The following COMMD3 variants were observed in gnomAD, a reference collection of about 807,000 sequenced individuals.
The protein encoded by COMMD3 is COMM domain-containing protein 3.
A neutral mutation model predicts 31.2 loss-of-function variants in COMMD3; 31 were observed. That is an observed-to-expected ratio of 0.99 (90% CI 0.75 to 1.34). The LOEUF (loss-of-function observed/expected upper bound fraction) is 1.34, where lower values mean the gene tolerates loss of function less well. COMMD3 is among the 40% of genes most tolerant of loss of function. The pLI is 0.00. For missense variants in COMMD3, 274 were observed against 236.9 expected (o/e 1.16, Z -1.03); for synonymous variants, 108 against 87.3 (o/e 1.24, Z -1.32).
rs1425874243 is a variant in COMMD3 at position 22,320,076 on chromosome 10, C to A, written c.*78C>A. On this transcript the variant is annotated 3_prime_UTR_variant, in exon 8 of 8. Transcript: ENST00000376836. ...GCCTTCAGCTGAACCACCGTTTGTG[C>A]GAGCTGGATGTCCTTTTCAGTAGAA... 3 of 1,612,662 alleles carry A rather than the reference C, an allele frequency of 1.9e-6. No homozygotes were observed. The Admixed American group carries it at 5.0e-5, about 27-fold the overall frequency.
At chr10:22,317,843 A>G (rs371087282) in intron 1 of COMMD3, 41 bp from the exon 2 acceptor site, 23 of 1,601,878 alleles carry the variant, frequency 1.4e-5, no homozygotes, top group Non-Finnish European at 1.8e-5. Flanking sequence ...ACTGTAAAGA[A>G]TTTATTATCA....
chr10:22,320,253 A>G lies in COMMD3; in HGVS notation c.*255A>G. ...ATTTTGATCTTTTTCAAGTCTTCTG[A>G]AAGGAAGTAGACAGTATTACACCCT... On this transcript the variant is annotated 3_prime_UTR_variant, in exon 8 of 8. Coordinates refer to ENST00000376836, the MANE Select transcript of COMMD3 (RefSeq NM_012071.4). The G allele has an allele frequency of 1.1e-6, 1 of 941,406 alleles. No homozygotes were observed. Among genetic ancestry groups the G allele is most frequent in the Non-Finnish European group, 1.5e-6 (1 of 668,504 alleles). 58.3% of individuals were successfully genotyped at this position (941,406 alleles called of 1,614,324 possible).
chr10:22,319,079 A>T (rs1307997415), intron 7 of COMMD3, 61 bp downstream of exon 7: 1 of 1,504,118 alleles, frequency 6.6e-7, no homozygotes, highest in African/African-American at 1.4e-5. Flanking sequence ...TGAGAGTTAT[A>T]CTCTTGGGAA....
chr10:22,316,463 G>T lies in COMMD3; in HGVS notation c.46G>T (p.Asp16Tyr). ...SVQKGFQMLA[D>Y]PRSFDSNAFT... Reference sequence around the variant, plus strand: ...GCAGAAAGGCTTCCAGATGCTGGCGGATCCCCGCTCCTTCGACTCCAACGC... The same window carrying T: ...GCAGAAAGGCTTCCAGATGCTGGCGTATCCCCGCTCCTTCGACTCCAACGC... The change falls in exon 1 of 8, where the codon GAT becomes TAT. Residue 16 changes from aspartate to tyrosine, a missense_variant. Asp to Tyr is a radical substitution (Grantham distance 160). Coordinates refer to ENST00000376836, the MANE Select transcript of COMMD3 (RefSeq NM_012071.4). 2 of 1,550,726 alleles carry T rather than the reference G, an allele frequency of 1.3e-6. No homozygotes were observed. Among genetic ancestry groups the T allele is most frequent in the Non-Finnish European group, 1.7e-6 (2 of 1,146,786 alleles).
intron 4 of COMMD3, 59 bp downstream of exon 4, chr10:22,318,365 A>C: frequency 6.4e-7 from 1 of 1,562,210 alleles, no homozygotes; most frequent in Non-Finnish European, 8.6e-7. Context: ...ATGAATGGAG[A>C]GTGTTGGTGT....
In COMMD3 at chr10:22,318,792, T is replaced by C. The variant is rs1256478636; in HGVS notation, c.412-14T>C. 6.2e-7 allele frequency: 1 copy of C among 1,613,858 alleles called. No individual in the cohort carries two copies. Among genetic ancestry groups the C allele is most frequent in the Non-Finnish European group, 8.5e-7 (1 of 1,179,914 alleles). On this transcript the variant is annotated splice_polypyrimidine_tract_variant and intron_variant, in intron 5 of 7. Coordinates refer to ENST00000376836, the MANE Select transcript of COMMD3 (RefSeq NM_012071.4). The stretch of plus-strand genomic sequence containing the variant: ...AGAGTTAAAAGCTGTTGCGTGTTTG[T>C]TGTGTTATTTTAGACCAATCAACTT...
At position 22,318,732 on chromosome 10, in the gene COMMD3, C is replaced by T. The variant is rs1747187877; in HGVS notation, c.411+19C>T. 1 of 1,613,162 alleles carries T rather than the reference C, an allele frequency of 6.2e-7. No individual in the cohort carries two copies. The highest frequency in any genetic ancestry group is 1.3e-5 in the African/African-American group (1 of 75,000). On this transcript the variant is annotated intron_variant, in intron 5 of 7. Transcript: ENST00000376836. ...GATAAAGGTAAAGTTTAAGAAACTT[C>T]TCTAGCGGGGGATTTAGGGAACTTC...
rs1835852788 is a variant in COMMD3, at chr10:22,316,526, C to T, written c.109C>T (p.Leu37=). 6.5e-7 allele frequency: 1 copy of T among 1,549,462 alleles called. No homozygotes were observed. Among genetic ancestry groups the T allele is most frequent in the African/African-American group, 1.4e-5 (1 of 73,112 alleles). ...CCTCCGGGCGGCATTCCAGAGTCTG[C>T]TGGACGCCCAGGCGGACGAGGCCGT... ...LLLRAAFQSL[L]DAQADEAVLD... The change falls in exon 1 of 8, where the codon CTG becomes TTG. Residue 37 remains leucine, a synonymous_variant. Coordinates refer to ENST00000376836, the MANE Select transcript of COMMD3 (RefSeq NM_012071.4).
chr10:22,318,940 GT>G lies in COMMD3; in HGVS notation c.469-11del, dbSNP rs771968105. The G allele has an allele frequency of 1.6e-5, 25 of 1,610,316 alleles. No homozygotes were observed. In the African/African-American group the frequency reaches 2.3e-4, roughly 15 times the overall value. ...AAATAAACAGCGTTTCTTGTTGCGT[GT>G]TTTTTTTCCTGCCCTAGAACACTGA... On this transcript the variant is annotated intron_variant, in intron 6 of 7. Coordinates refer to ENST00000376836, the MANE Select transcript of COMMD3 (RefSeq NM_012071.4).
chr10:22,316,462 G>T lies in COMMD3; in HGVS notation c.45G>T (p.Ala15=). 6.4e-7 allele frequency: 1 copy of T among 1,550,662 alleles called. No individual in the cohort carries two copies. The highest frequency in any genetic ancestry group is 8.7e-7 in the Non-Finnish European group (1 of 1,146,780). Residue 15 remains alanine (A), a synonymous_variant, in exon 1 of 8, where the codon GCG becomes GCT. Transcript: ENST00000376836. ...TGCAGAAAGGCTTCCAGATGCTGGC[G>T]GATCCCCGCTCCTTCGACTCCAACG... ...ESVQKGFQML[A]DPRSFDSNAF...
In COMMD3 at chr10:22,320,114, T is replaced by C; in HGVS notation, c.*116T>C. The C allele has an allele frequency of 1.9e-6, 3 of 1,585,612 alleles. No individual in the cohort carries two copies. Among genetic ancestry groups the C allele is most frequent in the Non-Finnish European group, 2.6e-6 (3 of 1,164,912 alleles). On this transcript the variant is annotated 3_prime_UTR_variant, in exon 8 of 8. Transcript: ENST00000376836. ...CTTTTCAGTAGAAAAGAATTTTCCT[T>C]TTGAATTTATACCATTCATCAATTT...
chr10:22,319,185 T>G (rs1160499212), intron 7 of COMMD3, 167 bp downstream of exon 7: 1 of 680,680 alleles, frequency 1.5e-6, no homozygotes, highest in Non-Finnish European at 2.3e-6. Flanking sequence ...TATTTTAAGA[T>G]AGGCTTCACT....
intron 2 of COMMD3, 27 bp from the exon 3 acceptor site, chr10:22,318,078 C>G (rs1453876872): frequency 6.2e-7 from 1 of 1,604,744 alleles, no homozygotes; most frequent in Non-Finnish European, 8.5e-7. Context: ...GGAGACAGAA[C>G]TTTGGCTTTT....
In COMMD3 at chr10:22,320,201, G is replaced by C; in HGVS notation, c.*203G>C. On this transcript the variant is annotated 3_prime_UTR_variant, in exon 8 of 8. Coordinates refer to ENST00000376836, the MANE Select transcript of COMMD3 (RefSeq NM_012071.4). ...AAGATACTGCCCAAGTATTTGAATC[G>C]TTTAGTAGTAACTGTCCATTTATCC... The C allele has an allele frequency of 3.6e-6, 5 of 1,376,918 alleles. No homozygotes were observed. Among genetic ancestry groups the C allele is most frequent in the Non-Finnish European group, 4.8e-6 (5 of 1,032,364 alleles). The allele number at this position is 1,376,918 out of a possible 1,614,324, so 85.3% of individuals were successfully genotyped here.
Position 22,317,931 on chromosome 10 carries a change from C to T in COMMD3, c.187C>T (p.His63Tyr). Residue 63 changes from histidine (H) to tyrosine (Y), a missense_variant, in exon 2 of 8, where the codon CAT becomes TAT. By Grantham distance (83) the His-to-Tyr change is moderately conservative (BLOSUM62 2). Coordinates refer to ENST00000376836, the MANE Select transcript of COMMD3 (RefSeq NM_012071.4). ...CGACCCAGTGGTTTTAAAACATTGT[C>T]ATGCAGCAGCTGCAACTTACATACT... is the stretch of plus-strand genomic sequence containing the variant. ...HIDPVVLKHC[H>Y]AAAATYILEA... The T allele has an allele frequency of 6.2e-7, 1 of 1,614,014 alleles. No homozygotes were observed. Among genetic ancestry groups the T allele is most frequent in the African/African-American group, 1.3e-5 (1 of 75,054 alleles).
chr10:22,316,527 T>C lies in COMMD3; in HGVS notation c.110T>C (p.Leu37Pro). ...CTCCGGGCGGCATTCCAGAGTCTGCTGGACGCCCAGGCGGACGAGGCCGTG... is the reference window on the plus strand; with the variant it reads ...CTCCGGGCGGCATTCCAGAGTCTGCCGGACGCCCAGGCGGACGAGGCCGTG... ...LLLRAAFQSL[L>P]DAQADEAVLD... The change falls in exon 1 of 8, where the codon CTG becomes CCG. Residue 37 changes from leucine to proline, a missense_variant. By Grantham distance (98) the Leu-to-Pro change is moderately conservative. Transcript: ENST00000376836. The C allele has an allele frequency of 6.5e-7, 1 of 1,549,684 alleles. No individual in the cohort carries two copies. Among genetic ancestry groups the C allele is most frequent in the East Asian group, 2.5e-5 (1 of 40,814 alleles).
At chr10:22,318,044 G>A in intron 2 of COMMD3, 49 bp downstream of exon 2, 1 of 1,607,784 alleles carries the variant, frequency 6.2e-7, no homozygotes, top group South Asian at 1.1e-5. Context: ...CTACCTTAAT[G>A]ATTTCAATTT....
At chr10:22,318,764 C>T in intron 5 of COMMD3, 42 bp from the exon 6 acceptor site, 1 of 1,613,458 alleles carries the variant, frequency 6.2e-7, no homozygotes, top group Non-Finnish European at 8.5e-7. Flanking sequence ...CTTCTTAAAA[C>T]CTAGAGTTAA....
In COMMD3 at chr10:22,319,968, G is replaced by C; in HGVS notation, c.558G>C (p.Ser186=). ...TGGTGGGGAAACTTAAAGATGCTTC[G>C]AAAAGCCTGGAAAGAGCAACTCAGT... ...QDLVGKLKDA[S]KSLERATQL The change falls in exon 8 of 8, where the codon TCG becomes TCC. Residue 186 remains serine, a synonymous_variant. Coordinates refer to ENST00000376836, the MANE Select transcript of COMMD3 (RefSeq NM_012071.4). 1 of 1,614,012 alleles carries C rather than the reference G, an allele frequency of 6.2e-7. No homozygotes were observed. The highest frequency in any genetic ancestry group is 8.5e-7 in the Non-Finnish European group (1 of 1,179,990).
Sources: allele counts gnomAD v4.1 joint callset, GRCh38; gene constraint gnomAD v4.1.1; transcripts MANE v1.5; gene names NCBI Gene and HGNC (gene_info 2026-07-23, HGNC 2026-07-21).